The following ALG9 variants were observed in gnomAD, a reference collection of about 807,000 sequenced individuals.
ALG9 encodes alpha-1,2-mannosyltransferase ALG9.
Under a neutral mutation model 81.8 loss-of-function variants are expected in ALG9, and 55 were observed. That is an observed-to-expected ratio of 0.67 (90% CI 0.54 to 0.84). ALG9 has a LOEUF of 0.84. Among genes scored for constraint, ALG9 ranks in the 40% least tolerant of loss-of-function variants. The pLI is 0.00. For synonymous variants in ALG9, 278 were observed against 274.3 expected (o/e 1.01, Z -0.13); for missense variants, 629 against 745.0 (o/e 0.84, Z 1.81).
chr11:111,813,893 T>C (rs1555094228), intron 13 of ALG9, among the ~76,000 whole-genome samples: 1 of 152,228 alleles, frequency 6.6e-6, no homozygotes, highest in African/African-American at 2.4e-5. Context: ...GAAAACTATT[T>C]GGCAAAATCT....
At chr11:111,841,617 C>T (rs1302180069) in intron 9 of ALG9, among the ~76,000 whole-genome samples, 2 of 152,218 alleles carry the variant, frequency 1.3e-5, no homozygotes, top group African/African-American at 4.8e-5. Flanking sequence ...ATGAGCAACG[C>T]AAATGCGGGC....
downstream of ALG9, chr11:111,778,363 T>C (rs560630134): frequency 6.6e-6 from 1 of 152,246 alleles, no homozygotes; most frequent in Non-Finnish European, 1.5e-5. Context: ...GAGTTGTCAT[T>C]CAGTGTACTG....
intron 14 of ALG9, among the ~76,000 whole-genome samples, chr11:111,790,818 A>G (rs1947283885): frequency 6.6e-6 from 1 of 152,242 alleles, no homozygotes; most frequent in African/African-American, 2.4e-5. Flanking sequence ...GACAGTCTCA[A>G]ACACTGATGA....
At chr11:111,779,249 G>A (rs113133468), downstream of ALG9, among the ~76,000 whole-genome samples, 9 of 152,200 alleles carry the variant, frequency 5.9e-5, no homozygotes, top group African/African-American at 1.7e-4. Context: ...AACCAAAAAC[G>A]CACGCCCTTC....
intron 4 of ALG9, 110 bp from the exon 5 acceptor site, chr11:111,860,745 C>G: frequency 1.3e-6 from 1 of 785,624 alleles, no homozygotes. Flanking sequence ...AAGTCAAACA[C>G]AAAACTACCT....
At chr11:111,853,107 T>C (rs1277070908) in intron 8 of ALG9, among the ~76,000 whole-genome samples, 2 of 145,886 alleles carry the variant, frequency 1.4e-5, no homozygotes, top group Non-Finnish European at 3.0e-5. Context: ...TCAAAAGCCA[T>C]AGCATACCCA....
At chr11:111,781,218 A>G (rs576207081), downstream of ALG9, among the ~76,000 whole-genome samples, 12 of 152,326 alleles carry the variant, frequency 7.9e-5, no homozygotes, top group South Asian at 2.1e-3. Flanking sequence ...AAGAATAATA[A>G]TAACCAACGG....
At chr11:111,814,923 C>T (rs1951259725) in intron 13 of ALG9, among the ~76,000 whole-genome samples, 1 of 152,166 alleles carries the variant, frequency 6.6e-6, no homozygotes, top group Admixed American at 6.5e-5. Context: ...GCAAACAGAA[C>T]CAACAAGAGA....
chr11:111,776,380 A>C, the ALG9 span, among the ~76,000 whole-genome samples: 1 of 152,136 alleles, frequency 6.6e-6, no homozygotes, highest in African/African-American at 2.4e-5. Context: ...ACCAGAGGTC[A>C]GGAGTTTGAG....
intron 14 of ALG9, among the ~76,000 whole-genome samples, chr11:111,789,951 T>A (rs921033989): frequency 6.6e-6 from 1 of 152,122 alleles, no homozygotes; most frequent in African/African-American, 2.4e-5. Flanking sequence ...CAGAAAATGA[T>A]CTTATTCTGA....
In ALG9 at chr11:111,785,181, CT is replaced by C. The variant is rs1555061654; in HGVS notation, c.*1215del. 9 of 152,392 alleles carry C rather than the reference CT, an allele frequency of 5.9e-5. No homozygotes were observed. The highest frequency in any genetic ancestry group is 1.9e-4 in the African/African-American group (8 of 41,562). The allele number at this position is 152,392 out of a possible 1,614,324, so 9.4% of individuals were successfully genotyped here. A position where few individuals can be genotyped will look rare whatever the true frequency, so the allele number is the denominator to read the frequency against. ...TTACTGGCTGTGTGACCTTAGGCAA[CT>C]AACTATCTTTACCTCCCCTCACTCC... On this transcript the variant is annotated 3_prime_UTR_variant, in exon 15 of 15. Coordinates refer to ENST00000616540, the MANE Select transcript of ALG9 (RefSeq NM_024740.2).
intron 13 of ALG9, among the ~76,000 whole-genome samples, chr11:111,817,840 G>A (rs1427158429): frequency 4.7e-5 from 7 of 150,098 alleles, no homozygotes; most frequent in Admixed American, 1.3e-4. Context: ...GCAGTGGTGC[G>A]GTCTCGGCTC....
chr11:111,857,159 C>G (rs1467641020), intron 6 of ALG9, among the ~76,000 whole-genome samples: 1 of 152,072 alleles, frequency 6.6e-6, no homozygotes, highest in Non-Finnish European at 1.5e-5. Context: ...GGAGGAAACT[C>G]AGATTTCAAA....
At chr11:111,834,979 G>C (rs376632038) in intron 13 of ALG9, among the ~76,000 whole-genome samples, 11 of 152,326 alleles carry the variant, frequency 7.2e-5, no homozygotes, top group African/African-American at 2.2e-4. Flanking sequence ...CATTTTCATA[G>C]CTTATAGTTA....
chr11:111,856,202 G>T (rs782048783), intron 6 of ALG9, among the ~76,000 whole-genome samples: 1 of 150,456 alleles, frequency 6.6e-6, no homozygotes, highest in Non-Finnish European at 1.5e-5. Flanking sequence ...GCTTGAACCC[G>T]GGAGACAGAG....
downstream of ALG9, chr11:111,778,086 C>T (rs987459832): frequency 6.6e-6 from 1 of 152,114 alleles, no homozygotes; most frequent in Non-Finnish European, 1.5e-5. Context: ...AAGCAGGCTT[C>T]CCCAGTGCGT....
At chr11:111,792,915 G>GA (rs1555071729) in intron 14 of ALG9, among the ~76,000 whole-genome samples, 1 of 152,158 alleles carries the variant, frequency 6.6e-6, no homozygotes, top group African/African-American at 2.4e-5. Flanking sequence ...CCAGAAGATG[G>GA]AATCAGAAAG....
chr11:111,779,228 G>A (rs1555056138), downstream of ALG9, among the ~76,000 whole-genome samples: 1 of 152,128 alleles, frequency 6.6e-6, no homozygotes, highest in African/African-American at 2.4e-5. Flanking sequence ...TGTTGAAGCA[G>A]CTAACCAATC....
At chr11:111,832,267 T>C (rs1417216370) in intron 13 of ALG9, among the ~76,000 whole-genome samples, 1 of 152,158 alleles carries the variant, frequency 6.6e-6, no homozygotes, top group African/African-American at 2.4e-5. Context: ...CTACCATTTT[T>C]AATCTTTTTT....
Sources: gnomAD v4.1 joint callset for allele counts (sites outside exome capture counted in the v4.1 genomes callset) on GRCh38, gnomAD v4.1.1 for gene constraint, MANE v1.5 for transcripts, NCBI Gene and HGNC (gene_info 2026-07-23, HGNC 2026-07-21) for gene names.